The following MYBPC3 variants were observed in gnomAD, a reference collection of about 807,000 sequenced individuals.
MYBPC3 encodes myosin-binding protein C, cardiac-type.
MYBPC3 carries 108 observed loss-of-function variants against 159.3 expected under a neutral mutation model. That is an observed-to-expected ratio of 0.68 (90% CI 0.58 to 0.80). The LOEUF is 0.80. MYBPC3 is among the 30% of genes least tolerant of loss of function. The probability of loss-of-function intolerance (pLI) is 0.00; values close to 1 mark genes in which losing one functional copy is unlikely to be tolerated. For missense variants in MYBPC3, 1,631 were observed against 1,762.1 expected, an observed-to-expected ratio of 0.93 and a Z score of 1.33; for synonymous variants, 730 against 702.0, an observed-to-expected ratio of 1.04 and a Z score of -0.63.
intron 5 of MYBPC3, 146 bp downstream of exon 5, chr11:47,349,628 C>G: frequency 8.2e-7 from 1 of 1,223,872 alleles, no homozygotes; most frequent in Non-Finnish European, 1.1e-6. Context: ...GCCCCTGGCC[C>G]CTCCACCTGC....
At position 47,332,139 on chromosome 11, in the gene MYBPC3, G is replaced by C. The variant is rs772872595; in HGVS notation, c.3747C>G (p.Gly1249=). 6.2e-6 allele frequency: 10 copies of C among 1,613,594 alleles called. No homozygotes were observed. In the African/African-American group the frequency reaches 1.1e-4, roughly 17 times the overall value. The part of the protein sequence containing the change: ...EIRKPCPFDG[G]IYVCRATNLQ... Reference sequence around the variant, plus strand: ...AGTTGGTGGCCCTGCAGACATAGATGCCCCCGTCAAAGGGGCAGGGCTTTC... The same window carrying C: ...AGTTGGTGGCCCTGCAGACATAGATCCCCCCGTCAAAGGGGCAGGGCTTTC... Residue 1249 remains glycine, a synonymous_variant, in exon 33 of 35, where the codon GGC becomes GGG. Transcript: ENST00000545968. This position sits in a 1 kb window ranked among gnomAD's most constrained non-coding sequence, Gnocchi z 4.2.
chr11:47,332,961 C>G lies in MYBPC3; in HGVS notation c.3343G>C (p.Val1115Leu), dbSNP rs531189495. Reference sequence around the variant, plus strand: ...TGGGTGCGGCGGTAATGCTCCAAGACGGTGAACCACTCCTGGGGGCAGGGA... The same window carrying G: ...TGGGTGCGGCGGTAATGCTCCAAGAGGGTGAACCACTCCTGGGGGCAGGGA... ...ADKKTMEWFTVLEHYRRTHCV... is the reference protein window; with the variant it reads ...ADKKTMEWFTLLEHYRRTHCV... Residue 1115 changes from valine (V) to leucine (L), a missense_variant, in exon 31 of 35, where the codon GTC becomes CTC. By Grantham distance (32) the Val-to-Leu change is conservative. Coordinates refer to ENST00000545968, the MANE Select transcript of MYBPC3 (RefSeq NM_000256.3). This position sits in a 1 kb window ranked among gnomAD's most constrained non-coding sequence, Gnocchi z 4.2. 2 of 1,610,118 alleles carry G rather than the reference C, an allele frequency of 1.2e-6. No homozygotes were observed. Among genetic ancestry groups the G allele is most frequent in the East Asian group, 4.5e-5 (2 of 44,760 alleles).
At chr11:47,335,763 C>T in intron 26 of MYBPC3, 114 bp downstream of exon 26, 1 of 928,092 alleles carries the variant, frequency 1.1e-6, no homozygotes, top group Non-Finnish European at 1.5e-6. Flanking sequence ...CTCTGGGTGT[C>T]CTCAACTTTC....
chr11:47,341,790 T>C (rs1565627437), intron 18 of MYBPC3, among the ~76,000 whole-genome samples: 1 of 152,144 alleles, frequency 6.6e-6, no homozygotes, highest in Non-Finnish European at 1.5e-5. Context: ...ATAGAACTAT[T>C]TCTGTCTTTC....
Position 47,343,038 on chromosome 11 carries a change from G to A in MYBPC3, c.1334C>T (p.Thr445Met), listed in dbSNP as rs745661443. 1.1e-5 allele frequency: 18 copies of A among 1,613,076 alleles called. No individual in the cohort carries two copies. The highest frequency in any genetic ancestry group is 2.2e-5 in the East Asian group (1 of 44,864). The change falls in exon 15 of 35, where the codon ACG (threonine) becomes ATG (methionine). Residue 445 changes from threonine to methionine, a missense_variant. Physicochemically the swap from Thr to Met is moderately conservative, Grantham distance 81. Transcript: ENST00000545968. ...QCVVGGEKCS[T>M]ELFVKEPPVL... ...AGGCCCACCTTTCACAAAGAGCTCC[G>A]TGCTACACTTCTCGCCACCCACCAC...
Position 47,337,575 on chromosome 11 carries a change from G to A in MYBPC3, c.2418C>T (p.Tyr806=), listed in dbSNP as rs1227141662. 1.2e-6 allele frequency: 2 copies of A among 1,614,002 alleles called. No homozygotes were observed. The highest frequency in any genetic ancestry group is 2.2e-5 in the East Asian group (1 of 44,882). Residue 806 remains tyrosine, a synonymous_variant, in exon 25 of 35, where the codon TAC becomes TAT. Transcript: ENST00000545968. ...TCTTCTTCTTCTTGCGCTCCAGGAT[G>A]TAGCCTGGCTCAGGGGAGGTGGCAG... The part of the protein sequence containing the change: ...AYDGGQPILG[Y]ILERKKKKSY...
At position 47,332,049 on chromosome 11, in the gene MYBPC3, C is replaced by T. The variant is rs776166079; in HGVS notation, c.3814+23G>A. 12 of 1,604,682 alleles carry T rather than the reference C, an allele frequency of 7.5e-6. No homozygotes were observed. Among genetic ancestry groups the T allele is most frequent in the Admixed American group, 5.0e-5 (3 of 59,540 alleles). ...CCGCCCGCTCTTCCCATCTCCCAGG[C>T]CCTGGCCCCGAGGGCTCCTCACCTC... On this transcript the variant is annotated intron_variant, in intron 33 of 34. Coordinates refer to ENST00000545968, the MANE Select transcript of MYBPC3 (RefSeq NM_000256.3). The surrounding 1 kb of genome is among the most constrained non-coding windows in gnomAD (Gnocchi z 4.2).
Position 47,350,549 on chromosome 11 carries a change from G to A in MYBPC3, c.359C>T (p.Ala120Val), listed in dbSNP as rs2095899679. 1 of 1,553,298 alleles carries A rather than the reference G, an allele frequency of 6.4e-7. No homozygotes were observed. Among genetic ancestry groups the A allele is most frequent in the Non-Finnish European group, 8.6e-7 (1 of 1,156,338 alleles). The change falls in exon 3 of 35, where the codon GCC becomes GTC. Residue 120 changes from alanine (A) to valine (V), a missense_variant. Ala to Val is a moderately conservative substitution (Grantham distance 64). Coordinates refer to ENST00000545968, the MANE Select transcript of MYBPC3 (RefSeq NM_000256.3). ...PAEATGAPGE[A>V]PAPAAELGES... ...TCCCAGCTCAGCGGCTGGGGCCGGGGCTTCTCCAGGGGCTCCAGTGGCCTC... is the reference window on the plus strand; with the variant it reads ...TCCCAGCTCAGCGGCTGGGGCCGGGACTTCTCCAGGGGCTCCAGTGGCCTC...
intron 12 of MYBPC3, 22 bp from the exon 13 acceptor site, chr11:47,343,646 C>A: frequency 6.3e-7 from 1 of 1,590,884 alleles, no homozygotes; most frequent in Non-Finnish European, 8.6e-7. Flanking sequence ...CCCTCAGCCC[C>A]GGCCACCCCA....
rs764297991 is a variant in MYBPC3 at position 47,337,711 on chromosome 11, C to T, written c.2392G>A (p.Asp798Asn). 1 of 1,571,540 alleles carries T rather than the reference C, an allele frequency of 6.4e-7. No homozygotes were observed. The highest frequency in any genetic ancestry group is 8.6e-7 in the Non-Finnish European group (1 of 1,158,398). The change falls in exon 24 of 35, where the codon GAT (aspartate) becomes AAT (asparagine). Residue 798 changes from aspartate (D) to asparagine (N), a missense_variant. Asp to Asn is a conservative substitution (Grantham distance 23). Transcript: ENST00000545968. Reference protein sequence around the residue: ...CTVQWEPPAYDGGQPILGYIL... With the variant: ...CTVQWEPPAYNGGQPILGYIL... Reference sequence around the variant, plus strand: ...TCACCCAGGATGGGCTGCCCGCCATCGTAGGCAGGCGGCTCCCACTGTACT... The same window carrying T: ...TCACCCAGGATGGGCTGCCCGCCATTGTAGGCAGGCGGCTCCCACTGTACT...
Position 47,338,641 on chromosome 11 carries a change from G to A in MYBPC3, c.2187C>T (p.Thr729=), listed in dbSNP as rs765983279. The change falls in exon 23 of 35, where the codon ACC becomes ACT. Residue 729 remains threonine, a synonymous_variant. Transcript: ENST00000545968. This position sits in a 1 kb window ranked among gnomAD's most constrained non-coding sequence, Gnocchi z 4.7. The part of the protein sequence containing the change: ...CETEGRVRVE[T]TKDRSIFTVE... ...CCGTGAAGATGCTGCGGTCCTTGGT[G>A]GTCTCCACGCGGACCCGGCCCTCGG... 22 of 1,613,728 alleles carry A rather than the reference G, an allele frequency of 1.4e-5. No homozygotes were observed. The Admixed American group carries it at 3.3e-4, about 24-fold the overall frequency.
chr11:47,344,320 C>T (rs2095892169), intron 12 of MYBPC3, among the ~76,000 whole-genome samples: 2 of 152,122 alleles, frequency 1.3e-5, no homozygotes, highest in South Asian at 4.1e-4. Flanking sequence ...CCTCTGTGCC[C>T]AGCACTCTCA....
intron 9 of MYBPC3, 168 bp from the exon 10 acceptor site, chr11:47,347,197 C>G (rs1595848201): frequency 1.0e-6 from 1 of 985,282 alleles, no homozygotes; most frequent in Non-Finnish European, 1.2e-6. Context: ...TTTGCAGCCT[C>G]AAGTGTGGAG....
chr11:47,342,926 A>G lies in MYBPC3; in HGVS notation c.1361T>C (p.Val454Ala), dbSNP rs755631466. 2 of 1,611,768 alleles carry G rather than the reference A, an allele frequency of 1.2e-6. No homozygotes were observed. The highest frequency in any genetic ancestry group is 8.5e-7 in the Non-Finnish European group (1 of 1,178,922). The change falls in exon 16 of 35, where the codon GTG becomes GCG. Residue 454 changes from valine (V) to alanine (A), a missense_variant. Physicochemically the swap from Val to Ala is moderately conservative, Grantham distance 64. Transcript: ENST00000545968. Reference protein sequence around the residue: ...STELFVKEPPVLITRPLEDQL... With the variant: ...STELFVKEPPALITRPLEDQL... ...GTCCTCCAAGGGGCGCGTGATGAGCACAGGGGGCTCTGTCCAGGCAGGGTG... is the reference window on the plus strand; with the variant it reads ...GTCCTCCAAGGGGCGCGTGATGAGCGCAGGGGGCTCTGTCCAGGCAGGGTG...
In MYBPC3 at chr11:47,333,660, G is replaced by A. The variant is rs201515977; in HGVS notation, c.3087C>T (p.Ile1029=). Residue 1029 remains isoleucine, a synonymous_variant, in exon 29 of 35, where the codon ATC becomes ATT. Transcript: ENST00000545968. ...VSIRNSPTDT[I]LFIRAARRVH... ...CGCGGCGAGCGGCCCGGATGAACAG[G>A]ATGGTGTCTGTGGGGCTGTTGCGGA... is the stretch of plus-strand genomic sequence containing the variant. The A allele has an allele frequency of 8.1e-6, 13 of 1,610,954 alleles. No individual in the cohort carries two copies. Among genetic ancestry groups the A allele is most frequent in the Non-Finnish European group, 1.0e-5 (12 of 1,179,844 alleles).
chr11:47,337,431 C>A lies in MYBPC3; in HGVS notation c.2562G>T (p.Met854Ile). The A allele has an allele frequency of 6.2e-7, 1 of 1,609,496 alleles. No individual in the cohort carries two copies. Among genetic ancestry groups the A allele is most frequent in the Non-Finnish European group, 8.5e-7 (1 of 1,177,910 alleles). The stretch of plus-strand genomic sequence containing the variant: ...GCTGGGAGGCAGGGCTGGGCCTGGA[C>A]ATGCCGATGGCGTTGACCGCGTAGA... ...MRVYAVNAIG[M>I]SRPSPASQPF... The change falls in exon 25 of 35, where the codon ATG (methionine) becomes ATT (isoleucine). Residue 854 changes from methionine (M) to isoleucine (I), a missense_variant. Physicochemically the swap from Met to Ile is conservative, Grantham distance 10 (BLOSUM62 1). Coordinates refer to ENST00000545968, the MANE Select transcript of MYBPC3 (RefSeq NM_000256.3).
At position 47,332,884 on chromosome 11, in the gene MYBPC3, G is replaced by A. The variant is rs1218099693; in HGVS notation, c.3420C>T (p.Phe1140=). Residue 1140 remains phenylalanine (F), a synonymous_variant, in exon 31 of 35, where the codon TTC becomes TTT. Transcript: ENST00000545968. This position sits in a 1 kb window ranked among gnomAD's most constrained non-coding sequence, Gnocchi z 4.2. ...IIGNGYYFRV[F]SQNMVGFSDR... is the part of the protein sequence containing the mutation. ...CACTAAAGCCAACCATATTCTGGCTGAAGACGCGGAAGTAGTAGCCATTGC... is the reference window on the plus strand; with the variant it reads ...CACTAAAGCCAACCATATTCTGGCTAAAGACGCGGAAGTAGTAGCCATTGC... 6.2e-7 allele frequency: 1 copy of A among 1,607,116 alleles called. No individual in the cohort carries two copies.
Position 47,343,001 on chromosome 11 carries a change from T to C in MYBPC3, c.1351+20A>G. ...GCCATCTCCTCCCCAGGTTCCCACA[T>C]CCTCAGGTCCCAGGCCCACCTTTCA... On this transcript the variant is annotated intron_variant, in intron 15 of 34. Coordinates refer to ENST00000545968, the MANE Select transcript of MYBPC3 (RefSeq NM_000256.3). The C allele has an allele frequency of 3.1e-6, 5 of 1,613,002 alleles. No individual in the cohort carries two copies. The highest frequency in any genetic ancestry group is 4.2e-6 in the Non-Finnish European group (5 of 1,179,738).
chr11:47,347,763 G>C (rs1032902517), intron 7 of MYBPC3, 83 bp from the exon 8 acceptor site: 13 of 1,545,170 alleles, frequency 8.4e-6, no homozygotes, highest in Non-Finnish European at 1.0e-5. Context: ...GCTCCGCCCC[G>C]CAAATCATCC....
Sources: gnomAD v4.1 joint callset for allele counts (sites outside exome capture counted in the v4.1 genomes callset) on GRCh38, gnomAD v4.1.1 for gene constraint, Gnocchi (gnomAD v3.1) non-coding constraint, MANE v1.5 for transcripts, NCBI Gene and HGNC (gene_info 2026-07-23, HGNC 2026-07-21) for gene names.